Variants in MRAS observed in about 807,000 individuals in gnomAD.
MRAS encodes the protein muscle RAS oncogene homolog, also known as ras-related protein M-Ras.
Under a neutral mutation model 20.9 loss-of-function variants are expected in MRAS, and 4 were observed. The ratio of observed to expected loss-of-function variants is 0.19; its 90% CI spans 0.09 to 0.44. The LOEUF (loss-of-function observed/expected upper bound fraction) is 0.44. MRAS is among the 20% of genes least tolerant of loss of function. The probability of loss-of-function intolerance (pLI) is 0.99; values close to 1 mark genes in which losing one functional copy is unlikely to be tolerated. For synonymous variants in MRAS, 98 were observed against 102.9 expected, an observed-to-expected ratio of 0.95 and a Z score of 0.29; for missense variants, 154 against 277.5, an observed-to-expected ratio of 0.56 and a Z score of 3.16.
Position 138,405,475 on chromosome 3 carries a change from G to A in MRAS, c.*3206G>A, listed in dbSNP as rs2055439967. The stretch of plus-strand genomic sequence containing the variant: ...GATCTCAGTGATGTTTGAACCTTCT[G>A]TGTAACTTTTTATTAAGTCTTTGTA... On this transcript the variant is annotated 3_prime_UTR_variant, in exon 6 of 6. Coordinates refer to ENST00000423968, the MANE Select transcript of MRAS (RefSeq NM_001085049.3). 6.6e-6 allele frequency: 1 copy of A among 152,656 alleles called. No individual in the cohort carries two copies. The highest frequency in any genetic ancestry group is 2.4e-5 in the African/African-American group (1 of 41,460). 9.5% of individuals were successfully genotyped at this position (152,656 alleles called of 1,614,324 possible).
intron 1 of MRAS, among the ~76,000 whole-genome samples, chr3:138,351,533 G>C (rs972505640): frequency 1.3e-5 from 2 of 152,180 alleles, no homozygotes; most frequent in African/African-American, 4.8e-5. Flanking sequence ...TTTTCTTGCT[G>C]GACTCTGAGT....
At chr3:138,395,914 C>T (rs1191139334) in intron 2 of MRAS, among the ~76,000 whole-genome samples, 1 of 152,196 alleles carries the variant, frequency 6.6e-6, no homozygotes, top group Admixed American at 6.5e-5. Flanking sequence ...ACTTTTTGGC[C>T]AGGCCATGAG....
At chr3:138,355,259 C>T (rs1055589164) in intron 1 of MRAS, among the ~76,000 whole-genome samples, 1 of 152,162 alleles carries the variant, frequency 6.6e-6, no homozygotes, top group African/African-American at 2.4e-5. Flanking sequence ...AGTAAGGCGG[C>T]AGAGCCAACC....
chr3:138,353,948 G>C (rs566826526), intron 1 of MRAS, among the ~76,000 whole-genome samples: 5 of 152,212 alleles, frequency 3.3e-5, no homozygotes, highest in African/African-American at 1.2e-4. Context: ...CCGTTAGACC[G>C]TGCTGTTCCC....
chr3:138,358,359 G>A (rs758228534), intron 1 of MRAS, among the ~76,000 whole-genome samples: 9 of 151,802 alleles, frequency 5.9e-5, no homozygotes, highest in Non-Finnish European at 1.2e-4. Context: ...AGATATAAAG[G>A]GGCCATTAAA....
upstream of MRAS, chr3:138,347,944 A>G (rs2054151156): frequency 6.6e-6 from 1 of 152,150 alleles, no homozygotes; most frequent in Non-Finnish European, 1.5e-5. Flanking sequence ...TTATATCTTT[A>G]TTTTTTTAAC....
intron 3 of MRAS, 45 bp from the exon 4 acceptor site, chr3:138,398,423 AG>A: frequency 6.6e-7 from 1 of 1,525,918 alleles, no homozygotes; most frequent in Non-Finnish European, 9.1e-7. Context: ...ACCAGGTGTG[AG>A]GGGTGGTGGA....
At chr3:138,390,916 A>G (rs1214338733) in intron 2 of MRAS, among the ~76,000 whole-genome samples, 4 of 152,262 alleles carry the variant, frequency 2.6e-5, no homozygotes, top group Non-Finnish European at 5.9e-5. Context: ...TGAGAATTGA[A>G]AATTTATTAT....
At chr3:138,363,957 C>G (rs528421326) in intron 1 of MRAS, among the ~76,000 whole-genome samples, 88 of 151,760 alleles carry the variant, frequency 5.8e-4, no homozygotes, top group African/African-American at 1.9e-3. Flanking sequence ...CTTCCACATT[C>G]TCTTTGGTGA....
intron 1 of MRAS, chr3:138,349,709 A>G (rs921455690): frequency 6.6e-6 from 1 of 152,246 alleles, no homozygotes; most frequent in Non-Finnish European, 1.5e-5. Flanking sequence ...GGACCTGACC[A>G]GAGAGGGTGG....
intron 2 of MRAS, among the ~76,000 whole-genome samples, chr3:138,391,522 T>C (rs1344255181): frequency 6.6e-6 from 1 of 152,202 alleles, no homozygotes; most frequent in Admixed American, 6.5e-5. Context: ...GACGCCACAG[T>C]GAATAGTCCA....
At chr3:138,398,590 GA>G (rs1173189281) in intron 4 of MRAS, 22 bp downstream of exon 4, 11 of 1,607,284 alleles carry the variant, frequency 6.8e-6, no homozygotes, top group South Asian at 6.6e-5. Context: ...CGTGTGTGTA[GA>G]GGGGGTCAGG....
At chr3:138,387,819 C>A (rs1473184819) in intron 2 of MRAS, among the ~76,000 whole-genome samples, 4 of 152,194 alleles carry the variant, frequency 2.6e-5, no homozygotes, top group Non-Finnish European at 5.9e-5. Flanking sequence ...AGAATGTGCA[C>A]CGACATATGC....
intron 1 of MRAS, among the ~76,000 whole-genome samples, chr3:138,369,202 C>G (rs141971210): frequency 5.9e-5 from 9 of 152,352 alleles, no homozygotes; most frequent in Middle Eastern, 3.4e-3. Context: ...AGTGTCTGCC[C>G]TGTGCCAATG....
chr3:138,365,880 C>T (rs544540023), intron 1 of MRAS, among the ~76,000 whole-genome samples: 2 of 152,250 alleles, frequency 1.3e-5, no homozygotes, highest in East Asian at 1.9e-4. Flanking sequence ...ACCTACTTGC[C>T]CTTGAGACTT....
In MRAS at chr3:138,388,726, G is replaced by T. The variant is rs116778302; in HGVS notation, c.194-8598G>T. 9.6e-3 allele frequency among the ~76,000 whole-genome samples: 1,466 copies of T among 151,924 alleles called. 9 individuals carry two copies. Among genetic ancestry groups the T allele is most frequent in the Non-Finnish European group, 0.014 (971 of 67,940 alleles). On this transcript the variant is annotated intron_variant, in intron 2 of 5. Transcript: ENST00000423968. ...AAACATAAAAAGAAAGAAAAGAAAA[G>T]AAAAAAGAAAACTTTAGGTATGGCC...
At chr3:138,353,701 A>G (rs887484427) in intron 1 of MRAS, among the ~76,000 whole-genome samples, 1 of 152,140 alleles carries the variant, frequency 6.6e-6, no homozygotes, top group African/African-American at 2.4e-5. Context: ...TCATTGATCC[A>G]TCTCTCCATC....
At chr3:138,379,078 ATTG>A (rs2054845148) in intron 2 of MRAS, among the ~76,000 whole-genome samples, 1 of 152,156 alleles carries the variant, frequency 6.6e-6, no homozygotes, top group Non-Finnish European at 1.5e-5. Flanking sequence ...GCAATGAATT[ATTG>A]TTAACTATAA....
intron 2 of MRAS, among the ~76,000 whole-genome samples, chr3:138,396,204 A>G (rs1215781015): frequency 6.6e-6 from 1 of 152,224 alleles, no homozygotes; most frequent in Admixed American, 6.5e-5. Flanking sequence ...ACCCTCCCAC[A>G]GGGCTTTTGT....
Sources: gnomAD v4.1 joint callset for allele counts (sites outside exome capture counted in the v4.1 genomes callset) on GRCh38, gnomAD v4.1.1 for gene constraint, MANE v1.5 for transcripts, NCBI Gene and HGNC (gene_info 2026-07-23, HGNC 2026-07-21) for gene names.